ABCC4: variants seen among roughly 807,000 people sequenced by gnomAD.
The protein encoded by ABCC4 is ATP-binding cassette sub-family C member 4.
Under a neutral mutation model 168.5 loss-of-function variants are expected in ABCC4, and 102 were observed. The observed-to-expected ratio is 0.61, with a 90% CI of 0.52 to 0.71. The LOEUF (loss-of-function observed/expected upper bound fraction) is 0.71. Among genes scored for constraint, ABCC4 ranks in the 30% least tolerant of loss-of-function variants. The pLI, the probability that ABCC4 is intolerant of heterozygous loss-of-function variation, is 0.00. For synonymous variants in ABCC4, 617 were observed against 590.7 expected, an observed-to-expected ratio of 1.04 and a Z score of -0.65; for missense variants, 1,402 against 1,605.8, an observed-to-expected ratio of 0.87 and a Z score of 2.17.
Position 95,177,692 on chromosome 13 carries a change from C to T in ABCC4, c.1727+15G>A. Reference sequence around the variant, plus strand: ...CTGGAAAAGCAGAAATGACTTAAGACACAAACACACTCACAGTTCGAACAA... The same window carrying T: ...CTGGAAAAGCAGAAATGACTTAAGATACAAACACACTCACAGTTCGAACAA... On this transcript the variant is annotated intron_variant, in intron 13 of 30. Transcript: ENST00000645237. 1 of 1,598,440 alleles carries T rather than the reference C, an allele frequency of 6.3e-7. No individual in the cohort carries two copies. The highest frequency in any genetic ancestry group is 8.6e-7 in the Non-Finnish European group (1 of 1,169,322).
At position 95,209,428 on chromosome 13, in the gene ABCC4, T is replaced by C; in HGVS notation, c.785+6A>G. ...ATGACATTTTTCACAGCAGTATTTC[T>C]CTTACCTCAGTGATGAGAACAACTT... On this transcript the variant is annotated splice_donor_region_variant and intron_variant, in intron 6 of 30. Coordinates refer to ENST00000645237, the MANE Select transcript of ABCC4 (RefSeq NM_005845.5). 1 of 1,613,674 alleles carries C rather than the reference T, an allele frequency of 6.2e-7. No individual in the cohort carries two copies. Among genetic ancestry groups the C allele is most frequent in the South Asian group, 1.1e-5 (1 of 90,990 alleles).
intron 24 of ABCC4, among the ~76,000 whole-genome samples, chr13:95,072,553 A>C (rs2033768329): frequency 6.6e-6 from 1 of 152,236 alleles, no homozygotes; most frequent in African/African-American, 2.4e-5. Context: ...ACCTCACTGT[A>C]ATAATTACTC....
At chr13:95,283,966 G>A (rs374990329) in intron 1 of ABCC4, among the ~76,000 whole-genome samples, 37 of 151,898 alleles carry the variant, frequency 2.4e-4, no homozygotes, top group Admixed American at 1.3e-3. Context: ...TTGGGAGGCC[G>A]AGGCAGGCAA....
chr13:95,245,764 T>C (rs552832619), intron 3 of ABCC4, among the ~76,000 whole-genome samples: 44 of 151,908 alleles, frequency 2.9e-4, no homozygotes, highest in Non-Finnish European at 5.9e-4. Flanking sequence ...GTCTGACAGA[T>C]TCCTCTGGTG....
intron 1 of ABCC4, among the ~76,000 whole-genome samples, chr13:95,255,406 C>T (rs1315189372): frequency 1.3e-5 from 2 of 152,160 alleles, no homozygotes; most frequent in African/African-American, 4.8e-5. Context: ...CCAAAATAGC[C>T]ATTCTCCATG....
At chr13:95,236,724 G>A (rs1226054912) in intron 3 of ABCC4, among the ~76,000 whole-genome samples, 12 of 152,136 alleles carry the variant, frequency 7.9e-5, no homozygotes, top group African/African-American at 2.9e-4. Flanking sequence ...GAAGAATTAT[G>A]AATAAGATGA....
At chr13:95,118,592 G>A (rs1481382679) in intron 19 of ABCC4, among the ~76,000 whole-genome samples, 1 of 152,148 alleles carries the variant, frequency 6.6e-6, no homozygotes, top group Non-Finnish European at 1.5e-5. Context: ...TCAGAGCTGT[G>A]ATGTCAAGTT....
intron 23 of ABCC4, 133 bp downstream of exon 23, chr13:95,074,081 C>T (rs1426792339): frequency 5.7e-6 from 4 of 702,160 alleles, no homozygotes; most frequent in South Asian, 2.1e-5. Context: ...CCTGACACAT[C>T]GTAAATGATT....
intron 4 of ABCC4, among the ~76,000 whole-genome samples, chr13:95,217,852 CT>C (rs2039166978): frequency 6.6e-6 from 1 of 152,164 alleles, no homozygotes; most frequent in Non-Finnish European, 1.5e-5. Context: ...GACAGGGATG[CT>C]CCTCTCACAG....
chr13:95,052,102 T>A (rs563211315), intron 27 of ABCC4, among the ~76,000 whole-genome samples: 1 of 152,148 alleles, frequency 6.6e-6, no homozygotes, highest in East Asian at 1.9e-4. Context: ...TGTCTCAGCC[T>A]CCTGAGTAGC....
intron 1 of ABCC4, among the ~76,000 whole-genome samples, chr13:95,259,102 C>G (rs2040463018): frequency 6.6e-6 from 1 of 152,062 alleles, no homozygotes; most frequent in South Asian, 2.1e-4. Flanking sequence ...AATGCCTTCC[C>G]CCGGCTGGGC....
intron 21 of ABCC4, among the ~76,000 whole-genome samples, chr13:95,076,568 G>A (rs200482998): frequency 3.3e-5 from 5 of 150,136 alleles, no homozygotes; most frequent in African/African-American, 1.2e-4. Context: ...CCGTTCAAGC[G>A]ATTCTCCTGC....
At chr13:95,139,046 G>A (rs559119313) in intron 19 of ABCC4, among the ~76,000 whole-genome samples, 3 of 152,320 alleles carry the variant, frequency 2.0e-5, no homozygotes, top group African/African-American at 7.2e-5. Context: ...CTCCTTCCAC[G>A]GAGCCAATCC....
At chr13:95,077,180 G>A (rs1266805593) in intron 21 of ABCC4, among the ~76,000 whole-genome samples, 1 of 152,176 alleles carries the variant, frequency 6.6e-6, no homozygotes, top group Non-Finnish European at 1.5e-5. Context: ...GGTGCATATT[G>A]GGGACACGTG....
chr13:95,172,376 G>C (rs2037506297), intron 13 of ABCC4, among the ~76,000 whole-genome samples: 1 of 152,126 alleles, frequency 6.6e-6, no homozygotes, highest in Non-Finnish European at 1.5e-5. Context: ...GAGGTCGGGA[G>C]TTCAAGCAAC....
intron 4 of ABCC4, among the ~76,000 whole-genome samples, chr13:95,226,077 C>A (rs575696873): frequency 5.3e-5 from 8 of 150,858 alleles, no homozygotes; most frequent in African/African-American, 1.9e-4. Flanking sequence ...AAGATGCCCA[C>A]TCTTAACATT....
intron 19 of ABCC4, among the ~76,000 whole-genome samples, chr13:95,133,315 T>C (rs1447290345): frequency 1.3e-5 from 2 of 152,010 alleles, no homozygotes; most frequent in South Asian, 2.1e-4. Flanking sequence ...GGTTTCACCA[T>C]GTTGGCCAGG....
At chr13:95,221,896 G>A (rs1330044874) in intron 4 of ABCC4, among the ~76,000 whole-genome samples, 2 of 152,114 alleles carry the variant, frequency 1.3e-5, no homozygotes, top group Middle Eastern at 3.2e-3. Flanking sequence ...AGGAAGCCAC[G>A]TCCAGCCTCC....
intron 4 of ABCC4, among the ~76,000 whole-genome samples, chr13:95,225,147 T>A (rs1594333588): frequency 3.0e-5 from 3 of 100,700 alleles, no homozygotes; most frequent in African/African-American, 1.1e-4. Flanking sequence ...TCTGTCTCTC[T>A]CTCTCTCACA....
Sources: allele counts gnomAD v4.1 joint callset (sites outside exome capture counted in the v4.1 genomes callset), GRCh38; gene constraint gnomAD v4.1.1; transcripts MANE v1.5; gene names NCBI Gene and HGNC (gene_info 2026-07-23, HGNC 2026-07-21).